GLT1D1: variants seen among roughly 807,000 people sequenced by gnomAD.
GLT1D1 encodes the protein glycosyltransferase 1 domain-containing protein 1.
Under a neutral mutation model 28.7 loss-of-function variants are expected in GLT1D1, and 21 were observed. The observed-to-expected ratio is 0.73, with a 90% CI of 0.52 to 1.05. The LOEUF (loss-of-function observed/expected upper bound fraction) is 1.05, where lower values mean the gene tolerates loss of function less well. Among genes scored for constraint, GLT1D1 ranks in the 50% least tolerant of loss-of-function variants. The pLI, the probability that GLT1D1 is intolerant of heterozygous loss-of-function variation, is 0.00. For synonymous variants in GLT1D1, 147 were observed against 124.8 expected (o/e 1.18, Z -1.19); for missense variants, 343 against 330.6 (o/e 1.04, Z -0.29).
chr12:128,859,515 C>G (rs1410116921), intron 1 of GLT1D1, among the ~76,000 whole-genome samples: 1 of 152,160 alleles, frequency 6.6e-6, no homozygotes, highest in African/African-American at 2.4e-5. Context: ...GAGTGGGACG[C>G]CACTCCACAC....
intron 4 of GLT1D1, among the ~76,000 whole-genome samples, chr12:128,923,772 C>T (rs909521273): frequency 2.0e-5 from 3 of 151,880 alleles, no homozygotes; most frequent in South Asian, 2.1e-4. Context: ...TCTGCCCTCC[C>T]GCCTCCCACA....
At chr12:128,866,772 C>T (rs947321535) in intron 1 of GLT1D1, among the ~76,000 whole-genome samples, 2 of 152,098 alleles carry the variant, frequency 1.3e-5, no homozygotes, top group African/African-American at 4.8e-5. Context: ...AGGCGTGCGC[C>T]ACCACACCTG....
rs1170752538 is a variant in GLT1D1, at chr12:128,947,337, G to C, written c.420-1G>C. On this transcript the variant is annotated splice_acceptor_variant, in intron 5 of 7. Coordinates refer to ENST00000281703, the MANE Select transcript of GLT1D1 (RefSeq NM_144669.3). LOFTEE classifies it high-confidence loss of function. ...GCCACTCTTCCTGCTTTGTGTTTCA[G>C]AGCCGCTGGGGTACGATTGATTGGA... 6.2e-7 allele frequency: 1 copy of C among 1,613,752 alleles called. No individual in the cohort carries two copies. Among genetic ancestry groups the C allele is most frequent in the Non-Finnish European group, 8.5e-7 (1 of 1,179,944 alleles).
intron 4 of GLT1D1, among the ~76,000 whole-genome samples, chr12:128,927,960 G>A (rs1271532118): frequency 8.1e-6 from 1 of 123,026 alleles, no homozygotes; most frequent in Admixed American, 1.0e-4. Flanking sequence ...AGGTCGCACC[G>A]CTGTACTCCA....
intron 3 of GLT1D1, among the ~76,000 whole-genome samples, chr12:128,897,804 G>T (rs1869819520): frequency 6.6e-6 from 1 of 152,060 alleles, no homozygotes; most frequent in Admixed American, 6.6e-5. Context: ...GAGTAGCTGG[G>T]ACTACAGGCG....
intron 7 of GLT1D1, among the ~76,000 whole-genome samples, chr12:128,971,058 C>A (rs1049626094): frequency 3.3e-5 from 5 of 152,204 alleles, no homozygotes; most frequent in African/African-American, 1.2e-4. Flanking sequence ...TAACTGCTCT[C>A]ATTTCTTTTT....
intron 4 of GLT1D1, among the ~76,000 whole-genome samples, chr12:128,923,718 C>T (rs111702671): frequency 6.6e-6 from 1 of 151,850 alleles, no homozygotes; most frequent in Non-Finnish European, 1.5e-5. Flanking sequence ...GACGGGATTT[C>T]ACCACGTTGG....
intron 3 of GLT1D1, among the ~76,000 whole-genome samples, chr12:128,895,040 C>T (rs1869470658): frequency 6.6e-6 from 1 of 151,984 alleles, no homozygotes; most frequent in Non-Finnish European, 1.5e-5. Flanking sequence ...ATGCTCTCAT[C>T]ATTCATCGTT....
intron 7 of GLT1D1, among the ~76,000 whole-genome samples, chr12:128,973,898 G>T (rs1337874331): frequency 3.7e-5 from 5 of 135,584 alleles, no homozygotes; most frequent in African/African-American, 1.3e-4. Context: ...GGGGGTGTGT[G>T]TGTAGGGGGT....
At chr12:128,934,440 C>T (rs1452897031) in intron 4 of GLT1D1, among the ~76,000 whole-genome samples, 1 of 152,132 alleles carries the variant, frequency 6.6e-6, no homozygotes, top group Non-Finnish European at 1.5e-5. Context: ...GTGATCCACC[C>T]GCCTCGGCCT....
intron 1 of GLT1D1, among the ~76,000 whole-genome samples, chr12:128,857,780 A>G (rs1385937422): frequency 6.6e-6 from 1 of 152,234 alleles, no homozygotes. Flanking sequence ...GACTGAATTT[A>G]AAGAAAAAAA....
At chr12:128,899,708 C>A (rs902956539) in intron 4 of GLT1D1, among the ~76,000 whole-genome samples, 2 of 151,952 alleles carry the variant, frequency 1.3e-5, no homozygotes, top group African/African-American at 4.8e-5. Flanking sequence ...CACCACCATA[C>A]CCAGCTAATT....
intron 1 of GLT1D1, chr12:128,864,254 T>C (rs1173629640): frequency 3.9e-6 from 2 of 509,940 alleles, no homozygotes; most frequent in Non-Finnish European, 6.8e-6. Flanking sequence ...GATGAGAAGC[T>C]GAGTGTGGGA....
intron 7 of GLT1D1, among the ~76,000 whole-genome samples, chr12:128,968,649 C>T (rs111482514): frequency 2.6e-5 from 4 of 152,050 alleles, no homozygotes; most frequent in Admixed American, 2.0e-4. Context: ...GGTGACAGTG[C>T]GAGACATCGT....
At position 128,907,333 on chromosome 12, in the gene GLT1D1, T is replaced by C. The variant is rs1297831811; in HGVS notation, c.375+8046T>C. 2.8e-5 allele frequency among the ~76,000 whole-genome samples: 4 copies of C among 143,688 alleles called. No individual in the cohort carries two copies. The Admixed American group carries it at 2.9e-4, about 10-fold the overall frequency. 94.3% of individuals were successfully genotyped at this position (143,688 alleles called of 152,430 possible). A position where few individuals can be genotyped will look rare whatever the true frequency, so the allele number is the denominator to read the frequency against. ...TTTTTTTTTTTTTTTTGAGACCGAG[T>C]CTCGCTTTGTTGCCCAGGCTGGAGC... On this transcript the variant is annotated intron_variant, in intron 4 of 7. Transcript: ENST00000281703.
At chr12:128,912,664 T>A (rs1409606601) in intron 4 of GLT1D1, among the ~76,000 whole-genome samples, 1 of 146,232 alleles carries the variant, frequency 6.8e-6, no homozygotes, top group Non-Finnish European at 1.5e-5. Flanking sequence ...AAATGGCTAC[T>A]TTTTTTTTTC....
rs1026078832 is a variant in GLT1D1 at position 128,869,894 on chromosome 12, T to A, written c.69-6020T>A. On this transcript the variant is annotated intron_variant, in intron 1 of 7. Transcript: ENST00000281703. The stretch of plus-strand genomic sequence containing the variant: ...TCTAGTCACTTTGCCTGTTAGGTGA[T>A]TGAATTTTTGCAGTCTTTTAAAAAA... 2.0e-5 allele frequency among the ~76,000 whole-genome samples: 3 copies of A among 152,104 alleles called. No homozygotes were observed. In the South Asian group the frequency reaches 6.2e-4, roughly 32 times the overall value.
At chr12:128,977,715 T>C (rs1489617792) in intron 7 of GLT1D1, among the ~76,000 whole-genome samples, 4 of 152,124 alleles carry the variant, frequency 2.6e-5, no homozygotes, top group African/African-American at 9.7e-5. Context: ...TACTTGGTTT[T>C]GCTTTGAGTT....
At chr12:128,854,523 A>G (rs143490113) in intron 1 of GLT1D1, among the ~76,000 whole-genome samples, 2,279 of 151,586 alleles carry the variant, frequency 0.015, 48 homozygotes, top group African/African-American at 0.052. Flanking sequence ...TTTGAAATGG[A>G]GTCTCGCTGT....
Sources: gnomAD v4.1 joint callset for allele counts (sites outside exome capture counted in the v4.1 genomes callset) on GRCh38, gnomAD v4.1.1 for gene constraint, MANE v1.5 for transcripts, NCBI Gene and HGNC (gene_info 2026-07-23, HGNC 2026-07-21) for gene names.